The following CFAP221 variants were observed in gnomAD, a reference collection of about 807,000 sequenced individuals.
CFAP221 encodes cilia and flagella associated protein 221.
Under a neutral mutation model 113.1 loss-of-function variants are expected in CFAP221, and 97 were observed. The observed-to-expected ratio is 0.86, with a 90% CI of 0.73 to 1.02. The LOEUF (loss-of-function observed/expected upper bound fraction) is 1.02, where lower values mean the gene tolerates loss of function less well. Among genes scored for constraint, CFAP221 ranks in the 50% least tolerant of loss-of-function variants. The pLI, the probability that CFAP221 is intolerant of heterozygous loss-of-function variation, is 0.00. For missense variants in CFAP221, 1,025 were observed against 1,013.4 expected, an observed-to-expected ratio of 1.01 and a Z score of -0.16; for synonymous variants, 331 against 354.4, an observed-to-expected ratio of 0.93 and a Z score of 0.74.
chr2:119,619,190 G>C (rs1390688884), intron 14 of CFAP221, among the ~76,000 whole-genome samples: 4 of 152,204 alleles, frequency 2.6e-5, no homozygotes, highest in African/African-American at 9.6e-5. Context: ...CTGCCTGCTG[G>C]CTCTGAAGAG....
At chr2:119,587,010 G>A in intron 6 of CFAP221, 109 bp from the exon 7 acceptor site, 2 of 720,778 alleles carry the variant, frequency 2.8e-6, no homozygotes, top group South Asian at 4.6e-5. Context: ...GATCAGCATT[G>A]GCAGTCATCA....
rs1455348575 is a variant in CFAP221 at position 119,612,786 on chromosome 2, A to C, written c.1311+1044A>C. ...TTCCACCACTGGTCCTCCAAATCTC[A>C]TGTCCTCACAATTTAAAACACAATC... is the stretch of plus-strand genomic sequence containing the variant. On this transcript the variant is annotated intron_variant, in intron 13 of 23. Transcript: ENST00000413369. Among the ~76,000 whole-genome samples, 4 of 152,210 alleles carry C rather than the reference A, an allele frequency of 2.6e-5. No homozygotes were observed. The East Asian group carries it at 7.7e-4, about 29-fold the overall frequency.
intron 6 of CFAP221, among the ~76,000 whole-genome samples, chr2:119,575,395 G>A (rs1455258547): frequency 2.6e-5 from 4 of 151,902 alleles, no homozygotes; most frequent in Non-Finnish European, 4.4e-5. Flanking sequence ...CTTCCTCCAT[G>A]TTATCTGCAA....
intron 19 of CFAP221, among the ~76,000 whole-genome samples, chr2:119,632,038 AC>A (rs1176338825): frequency 3.9e-5 from 6 of 152,260 alleles, no homozygotes; most frequent in African/African-American, 7.2e-5. Context: ...CCACAAAGAA[AC>A]CTCCAGGCCC....
chr2:119,634,453 C>T (rs183048062), intron 19 of CFAP221, among the ~76,000 whole-genome samples: 98 of 152,216 alleles, frequency 6.4e-4, no homozygotes, highest in Non-Finnish European at 1.0e-3. Flanking sequence ...GGTGACAAAA[C>T]AAGACCGTGT....
chr2:119,558,219 G>A (rs1349865260), intron 3 of CFAP221, among the ~76,000 whole-genome samples: 1 of 152,076 alleles, frequency 6.6e-6, no homozygotes, highest in African/African-American at 2.4e-5. Context: ...CAGGCCTGGG[G>A]CTGAGTGGCC....
At chr2:119,579,639 G>T (rs931394271) in intron 6 of CFAP221, among the ~76,000 whole-genome samples, 1 of 152,178 alleles carries the variant, frequency 6.6e-6, no homozygotes, top group Non-Finnish European at 1.5e-5. Flanking sequence ...GGAATTTTGT[G>T]CCCTTAAGGA....
intron 23 of CFAP221, among the ~76,000 whole-genome samples, chr2:119,654,235 A>G (rs2104823021): frequency 6.6e-6 from 1 of 152,302 alleles, no homozygotes; most frequent in Middle Eastern, 3.4e-3. Context: ...TTTAAATGGA[A>G]TTCCAGTAAG....
intron 20 of CFAP221, among the ~76,000 whole-genome samples, chr2:119,639,284 C>G (rs1364779077): frequency 6.6e-6 from 1 of 152,162 alleles, no homozygotes; most frequent in Non-Finnish European, 1.5e-5. Flanking sequence ...TTAGCTTGGC[C>G]CACAATGCCC....
chr2:119,605,212 G>A lies in CFAP221; in HGVS notation c.1056G>A (p.Thr352=), dbSNP rs1286782164. The A allele has an allele frequency of 5.0e-6, 8 of 1,614,052 alleles. No individual in the cohort carries two copies. Among genetic ancestry groups the A allele is most frequent in the African/African-American group, 1.3e-5 (1 of 74,932 alleles). The change falls in exon 11 of 24, where the codon ACG becomes ACA. Residue 352 remains threonine (T), a synonymous_variant. Transcript: ENST00000413369. ...ACCAGGGCACTGAAATTTCAAAAACGAGACAGATGAAGGAGGCACTCTTTG... is the reference window on the plus strand; with the variant it reads ...ACCAGGGCACTGAAATTTCAAAAACAAGACAGATGAAGGAGGCACTCTTTG... ...VLDQGTEISK[T]RQMKEALFEQ... is the part of the protein sequence containing the mutation.
At chr2:119,639,411 G>T (rs1346189557) in intron 20 of CFAP221, among the ~76,000 whole-genome samples, 1 of 152,216 alleles carries the variant, frequency 6.6e-6, no homozygotes, top group African/African-American at 2.4e-5. Flanking sequence ...CGCGTGTGCA[G>T]CTCTCCTGCC....
At chr2:119,564,289 T>G (rs947808897) in intron 6 of CFAP221, among the ~76,000 whole-genome samples, 2 of 152,198 alleles carry the variant, frequency 1.3e-5, no homozygotes, top group Non-Finnish European at 2.9e-5. Context: ...GTTCAGCTGT[T>G]GCGTTGCCCT....
chr2:119,548,445 A>G (rs753921883), intron 2 of CFAP221, among the ~76,000 whole-genome samples: 67 of 152,192 alleles, frequency 4.4e-4, no homozygotes, highest in East Asian at 7.7e-4. Context: ...ACCTTCTCCA[A>G]ACATCTGCTC....
intron 19 of CFAP221, among the ~76,000 whole-genome samples, chr2:119,637,003 C>T (rs143151646): frequency 1.6e-3 from 239 of 152,314 alleles, no homozygotes; most frequent in Admixed American, 4.4e-3. Context: ...GAAGCCCACA[C>T]AGGTCATTTC....
At chr2:119,636,755 C>T (rs1351749297) in intron 19 of CFAP221, among the ~76,000 whole-genome samples, 2 of 152,140 alleles carry the variant, frequency 1.3e-5, no homozygotes, top group African/African-American at 4.8e-5. Flanking sequence ...CGAGGTGAGT[C>T]GCTACCACAT....
intron 7 of CFAP221, 24 bp downstream of exon 7, chr2:119,587,246 T>C (rs1332014531): frequency 1.4e-6 from 2 of 1,435,100 alleles, no homozygotes; most frequent in Non-Finnish European, 1.9e-6. Context: ...AGATTTCAAG[T>C]TCTAAAAACA....
intron 20 of CFAP221, among the ~76,000 whole-genome samples, chr2:119,639,492 T>G (rs1012093394): frequency 6.6e-5 from 10 of 152,204 alleles, no homozygotes; most frequent in Non-Finnish European, 1.3e-4. Context: ...ATAAACAAAA[T>G]AGATTCTAAG....
chr2:119,560,031 G>T lies in CFAP221; in HGVS notation c.426+5G>T, dbSNP rs1351987102. On this transcript the variant is annotated splice_donor_5th_base_variant and intron_variant, in intron 5 of 23. Transcript: ENST00000413369. ...TGCATCCGTGTTCACTGTAAGGTAG[G>T]TCTCTTAAAATTGCTTTTTTTTTTT... The T allele has an allele frequency of 1.4e-6, 2 of 1,414,534 alleles. No homozygotes were observed. Among genetic ancestry groups the T allele is most frequent in the Admixed American group, 2.3e-5 (1 of 42,924 alleles). 87.6% of individuals were successfully genotyped at this position (1,414,534 alleles called of 1,614,324 possible).
chr2:119,592,592 C>T (rs1024015945), intron 7 of CFAP221, among the ~76,000 whole-genome samples: 1 of 152,204 alleles, frequency 6.6e-6, no homozygotes, highest in Non-Finnish European at 1.5e-5. Flanking sequence ...ATTCCATGTT[C>T]CCTACATTCA....
Sources: gnomAD v4.1 joint callset for allele counts (sites outside exome capture counted in the v4.1 genomes callset) on GRCh38, gnomAD v4.1.1 for gene constraint, MANE v1.5 for transcripts, NCBI Gene and HGNC (gene_info 2026-07-23, HGNC 2026-07-21) for gene names.